The following OSBPL9 variants were observed in gnomAD, a reference collection of about 807,000 sequenced individuals.
OSBPL9 encodes the protein oxysterol binding protein like 9, also known as oxysterol-binding protein-related protein 9.
Under a neutral mutation model 106.6 loss-of-function variants are expected in OSBPL9, and 40 were observed. The observed-to-expected ratio is 0.38, with a 90% CI of 0.29 to 0.49. The LOEUF (loss-of-function observed/expected upper bound fraction) is 0.49. OSBPL9 is among the 20% of genes least tolerant of loss of function. The pLI, the probability that OSBPL9 is intolerant of heterozygous loss-of-function variation, is 0.97. For missense variants in OSBPL9, 609 were observed against 887.2 expected (o/e 0.69, Z 3.98); for synonymous variants, 269 against 295.4 (o/e 0.91, Z 0.92).
intron 2 of OSBPL9, among the ~76,000 whole-genome samples, chr1:51,611,862 C>A (rs1323212357): frequency 6.6e-6 from 1 of 152,180 alleles, no homozygotes; most frequent in Non-Finnish European, 1.5e-5. Context: ...GTAGTCCCAG[C>A]TACTCAGGAG....
chr1:51,733,896 T>C (rs1313164144), intron 4 of OSBPL9, among the ~76,000 whole-genome samples: 1 of 152,210 alleles, frequency 6.6e-6, no homozygotes, highest in African/African-American at 2.4e-5. Flanking sequence ...TAATTGGTTC[T>C]GGAGTATTGT....
chr1:51,521,362 C>T, the OSBPL9 span, among the ~76,000 whole-genome samples: 2 of 152,144 alleles, frequency 1.3e-5, no homozygotes, highest in African/African-American at 4.8e-5. Context: ...GGGGACTCCT[C>T]CAAACCATAT....
chr1:51,607,685 T>C (rs951250656), intron 2 of OSBPL9, among the ~76,000 whole-genome samples: 4 of 152,202 alleles, frequency 2.6e-5, no homozygotes, highest in Non-Finnish European at 5.9e-5. Context: ...TCAGCCTAGA[T>C]CTCATCAGCT....
chr1:51,539,891 G>A, the OSBPL9 span, among the ~76,000 whole-genome samples: 3 of 152,182 alleles, frequency 2.0e-5, no homozygotes, highest in South Asian at 6.2e-4. Context: ...CCAAGGCCTA[G>A]AGAGGCCTGT....
the OSBPL9 span, among the ~76,000 whole-genome samples, chr1:51,551,278 C>G: frequency 2.0e-5 from 3 of 152,188 alleles, no homozygotes; most frequent in African/African-American, 7.2e-5. Context: ...CAGAAACACT[C>G]TGTCAGCATC....
chr1:51,597,341 C>T (rs912895671), intron 1 of OSBPL9, among the ~76,000 whole-genome samples: 3 of 151,286 alleles, frequency 2.0e-5, no homozygotes, highest in East Asian at 3.9e-4. Flanking sequence ...TATAATCAAT[C>T]GGGATGTCAA....
At chr1:51,722,610 G>T (rs1409378603) in intron 4 of OSBPL9, among the ~76,000 whole-genome samples, 1 of 152,188 alleles carries the variant, frequency 6.6e-6, no homozygotes, top group Non-Finnish European at 1.5e-5. Context: ...GGTGAACAAG[G>T]CGTTGTGGGG....
intron 3 of OSBPL9, among the ~76,000 whole-genome samples, chr1:51,706,034 T>C (rs1347970799): frequency 1.3e-5 from 2 of 152,326 alleles, no homozygotes; most frequent in South Asian, 2.1e-4. Context: ...AATTTTTCTC[T>C]AATAACAGTC....
chr1:51,699,962 C>G (rs1197879418), intron 3 of OSBPL9, among the ~76,000 whole-genome samples: 1 of 152,194 alleles, frequency 6.6e-6, no homozygotes, highest in Non-Finnish European at 1.5e-5. Flanking sequence ...CAGTTACAGT[C>G]TATCACAACA....
chr1:51,676,997 G>A (rs1475710914), intron 3 of OSBPL9, among the ~76,000 whole-genome samples: 1 of 152,228 alleles, frequency 6.6e-6, no homozygotes, highest in Admixed American at 6.5e-5. Flanking sequence ...TCCACAGCCT[G>A]TGAGATAGCT....
upstream of OSBPL9, among the ~76,000 whole-genome samples, chr1:51,572,320 C>T (rs1645155496): frequency 6.6e-6 from 1 of 152,068 alleles, no homozygotes. Context: ...CCTTCCTCCA[C>T]AATGTTATTT....
chr1:51,678,091 A>G (rs567739889), intron 3 of OSBPL9, among the ~76,000 whole-genome samples: 1 of 152,032 alleles, frequency 6.6e-6, no homozygotes, highest in African/African-American at 2.4e-5. Context: ...GCTGAGGCAG[A>G]TGAGTCCCTT....
chr1:51,541,271 AG>A, the OSBPL9 span, among the ~76,000 whole-genome samples: 1,492 of 152,328 alleles, frequency 9.8e-3, 18 homozygotes, highest in South Asian at 0.031. Flanking sequence ...AGCTCATAGA[AG>A]GAACTCTAGA....
At chr1:51,674,537 A>C (rs1650713540) in intron 3 of OSBPL9, among the ~76,000 whole-genome samples, 1 of 152,214 alleles carries the variant, frequency 6.6e-6, no homozygotes, top group African/African-American at 2.4e-5. Context: ...ATTGGATCTG[A>C]GTCTGGGCTG....
intron 4 of OSBPL9, among the ~76,000 whole-genome samples, chr1:51,730,999 A>G (rs371761967): frequency 6.6e-6 from 1 of 151,996 alleles, no homozygotes; most frequent in African/African-American, 2.4e-5. Flanking sequence ...TTTAATGAAT[A>G]CTGTTAGCAC....
At chr1:51,667,702 CAGTT>C (rs1257364189) in intron 2 of OSBPL9, among the ~76,000 whole-genome samples, 1 of 152,166 alleles carries the variant, frequency 6.6e-6, no homozygotes, top group Non-Finnish European at 1.5e-5. Context: ...AAGGTTAACT[CAGTT>C]AATCACAAAT....
At chr1:51,656,174 C>G (rs1035127109) in intron 2 of OSBPL9, among the ~76,000 whole-genome samples, 2 of 152,186 alleles carry the variant, frequency 1.3e-5, no homozygotes, top group African/African-American at 4.8e-5. Flanking sequence ...CTTACTGACT[C>G]TGACATTGGG....
intron 2 of OSBPL9, among the ~76,000 whole-genome samples, chr1:51,598,809 C>G (rs1376112762): frequency 6.6e-6 from 1 of 152,006 alleles, no homozygotes; most frequent in South Asian, 2.1e-4. Context: ...GCCTGGCCAA[C>G]ATGGCGAAAC....
At chr1:51,594,906 G>T (rs1645292437) in intron 1 of OSBPL9, 1 of 152,346 alleles carries the variant, frequency 6.6e-6, no homozygotes, top group South Asian at 2.1e-4. Context: ...ACCCAGCGCT[G>T]GGCGCACGTT....
Sources: gnomAD v4.1 joint callset for allele counts (sites outside exome capture counted in the v4.1 genomes callset) on GRCh38, gnomAD v4.1.1 for gene constraint, MANE v1.5 for transcripts, NCBI Gene and HGNC (gene_info 2026-07-23, HGNC 2026-07-21) for gene names.